NBEAL1: variants seen among roughly 807,000 people sequenced by gnomAD.
The protein encoded by NBEAL1 is neurobeachin-like protein 1.
A neutral mutation model predicts 351.3 loss-of-function variants in NBEAL1; 273 were observed. That is an observed-to-expected ratio of 0.78 (90% CI 0.70 to 0.86). The LOEUF (loss-of-function observed/expected upper bound fraction) is 0.86, where lower values mean the gene tolerates loss of function less well. NBEAL1 is among the 40% of genes least tolerant of loss of function. NBEAL1 has a pLI of 0.00. For missense variants in NBEAL1, 2,961 were observed against 3,201.3 expected, an observed-to-expected ratio of 0.92 and a Z score of 1.81; for synonymous variants, 1,050 against 1,086.4, an observed-to-expected ratio of 0.97 and a Z score of 0.66.
chr2:203,187,929 C>G (rs2064956693), intron 44 of NBEAL1, among the ~76,000 whole-genome samples: 2 of 152,068 alleles, frequency 1.3e-5, no homozygotes, highest in South Asian at 4.1e-4. Context: ...TTTCCTGTCT[C>G]TAATAACAAT....
rs2062473589 is a variant in NBEAL1, at chr2:203,107,976, G to T, written c.1737G>T (p.Val579=). Residue 579 remains valine, a synonymous_variant, in exon 14 of 56, where the codon GTG becomes GTT. Transcript: ENST00000683969. ...SESVHPYVTP[V]TRAILTMARK... is the part of the protein sequence containing the mutation. ...CTGTTCACCCTTATGTCACTCCCGTGACTCGAGCAATCCTGACAATGGCCC... is the reference window on the plus strand; with the variant it reads ...CTGTTCACCCTTATGTCACTCCCGTTACTCGAGCAATCCTGACAATGGCCC... 7 of 1,554,566 alleles carry T rather than the reference G, an allele frequency of 4.5e-6. No homozygotes were observed. The highest frequency in any genetic ancestry group is 6.1e-6 in the Non-Finnish European group (7 of 1,147,928).
chr2:203,137,700 T>C (rs1196166890), intron 29 of NBEAL1, among the ~76,000 whole-genome samples: 2 of 152,154 alleles, frequency 1.3e-5, no homozygotes, highest in Admixed American at 1.3e-4. Context: ...ATTCCATTTA[T>C]AGGCCTGGCA....
intron 4 of NBEAL1, among the ~76,000 whole-genome samples, chr2:203,055,722 A>G (rs2061392314): frequency 6.6e-6 from 1 of 152,218 alleles, no homozygotes; most frequent in Admixed American, 6.5e-5. Flanking sequence ...AAATTAATGA[A>G]CGTTGCTTTT....
intron 3 of NBEAL1, among the ~76,000 whole-genome samples, chr2:203,047,199 T>C (rs2061242709): frequency 1.3e-5 from 2 of 151,460 alleles, no homozygotes; most frequent in Non-Finnish European, 2.9e-5. Context: ...ATTGCGCCAT[T>C]GCACCTCCAG....
At chr2:203,185,690 G>A (rs552040263) in intron 44 of NBEAL1, among the ~76,000 whole-genome samples, 1 of 152,050 alleles carries the variant, frequency 6.6e-6, no homozygotes, top group Non-Finnish European at 1.5e-5. Flanking sequence ...GCATCGAAAC[G>A]GTAGGATGCT....
At chr2:203,142,604 A>G (rs1356517416) in intron 31 of NBEAL1, among the ~76,000 whole-genome samples, 1 of 152,222 alleles carries the variant, frequency 6.6e-6, no homozygotes, top group East Asian at 1.9e-4. Context: ...CATTAAAAGT[A>G]CCTTGGTACT....
chr2:203,057,251 T>C (rs1373471003), intron 5 of NBEAL1, 75 bp from the exon 6 acceptor site: 14 of 1,343,522 alleles, frequency 1.0e-5, no homozygotes, highest in Non-Finnish European at 1.4e-5. Flanking sequence ...AAGTTTGGCT[T>C]GTTTGAATAC....
intron 42 of NBEAL1, among the ~76,000 whole-genome samples, chr2:203,179,328 G>A (rs1304170273): frequency 6.6e-6 from 1 of 152,106 alleles, no homozygotes; most frequent in African/African-American, 2.4e-5. Context: ...ATTAAGCCGG[G>A]AGCAGTGGCC....
chr2:203,066,551 C>T (rs914052881), intron 6 of NBEAL1, among the ~76,000 whole-genome samples: 14 of 152,130 alleles, frequency 9.2e-5, no homozygotes, highest in African/African-American at 2.7e-4. Context: ...TCGACAAAAC[C>T]GCCATCGTCA....
intron 2 of NBEAL1, among the ~76,000 whole-genome samples, chr2:203,024,970 A>T (rs1311272848): frequency 6.6e-6 from 1 of 152,186 alleles, no homozygotes; most frequent in African/African-American, 2.4e-5. Flanking sequence ...TATATTATTA[A>T]TTTTTTATTA....
chr2:203,206,309 C>G (rs1370255961), intron 51 of NBEAL1, among the ~76,000 whole-genome samples: 1 of 152,202 alleles, frequency 6.6e-6, no homozygotes, highest in Non-Finnish European at 1.5e-5. Context: ...GCAGCCAAGA[C>G]ATATTTAAAA....
chr2:203,171,295 A>C (rs1168588517), intron 39 of NBEAL1, among the ~76,000 whole-genome samples: 4 of 73,058 alleles, frequency 5.5e-5, no homozygotes, highest in Non-Finnish European at 1.1e-4. Flanking sequence ...GAAATAATAA[A>C]ATAAAATGTG....
At chr2:203,172,480 C>A (rs904164927) in intron 40 of NBEAL1, among the ~76,000 whole-genome samples, 4 of 152,032 alleles carry the variant, frequency 2.6e-5, no homozygotes, top group African/African-American at 9.7e-5. Context: ...GAGATCATGA[C>A]ACTGCACTCC....
intron 40 of NBEAL1, 121 bp from the exon 41 acceptor site, chr2:203,172,608 A>C: frequency 1.2e-6 from 1 of 810,828 alleles, no homozygotes. Context: ...TATTTACAAC[A>C]GGGAAAAAAT....
intron 12 of NBEAL1, among the ~76,000 whole-genome samples, chr2:203,104,166 T>C (rs1164551076): frequency 6.6e-6 from 1 of 152,210 alleles, no homozygotes; most frequent in Non-Finnish European, 1.5e-5. Context: ...TTGTTAGTTT[T>C]CTACCTCAAT....
intron 36 of NBEAL1, among the ~76,000 whole-genome samples, chr2:203,164,496 C>T (rs1334935748): frequency 1.3e-5 from 2 of 151,862 alleles, no homozygotes; most frequent in African/African-American, 4.8e-5. Flanking sequence ...ATTTGTTTTA[C>T]ACTGAAGAAC....
chr2:203,191,273 G>C (rs1184707691), intron 46 of NBEAL1: 1 of 1,170,836 alleles, frequency 8.5e-7, no homozygotes, highest in Non-Finnish European at 1.3e-6. Context: ...TGCCCAGCCA[G>C]TTAAGCACAA....
intron 8 of NBEAL1, among the ~76,000 whole-genome samples, chr2:203,079,709 A>C (rs2061838965): frequency 6.6e-6 from 1 of 152,136 alleles, no homozygotes; most frequent in Non-Finnish European, 1.5e-5. Context: ...TATTTTTAAA[A>C]ACTTAAGTAA....
chr2:203,039,313 CCCCCCTCCCCTCCCCCTCCCCCTCCTT>C (rs2061096342), intron 2 of NBEAL1, among the ~76,000 whole-genome samples: 1 of 51,776 alleles, frequency 1.9e-5, no homozygotes, highest in African/African-American at 8.6e-5. Context: ...CCCTCCCCTC[CCCCCCTCCCCTCCCCCTCCCCCTCCTT>C]CCCCCTCCCC....
Sources: gnomAD v4.1 joint callset for allele counts (sites outside exome capture counted in the v4.1 genomes callset) on GRCh38, gnomAD v4.1.1 for gene constraint, MANE v1.5 for transcripts, NCBI Gene and HGNC (gene_info 2026-07-23, HGNC 2026-07-21) for gene names.